The following CDKAL1 variants were observed in gnomAD, a reference collection of about 807,000 sequenced individuals.
The protein encoded by CDKAL1 is CDKAL1 threonylcarbamoyladenosine tRNA methylthiotransferase.
In CDKAL1, 32 loss-of-function variants were observed where a neutral mutation model predicts 68.2. That is an observed-to-expected ratio of 0.47 (90% CI 0.35 to 0.63). The LOEUF is 0.63. CDKAL1 is among the 30% of genes least tolerant of loss of function. The pLI, the probability that CDKAL1 is intolerant of heterozygous loss-of-function variation, is 0.00. For missense variants in CDKAL1, 606 were observed against 696.7 expected (o/e 0.87, Z 1.47); for synonymous variants, 234 against 244.3 (o/e 0.96, Z 0.39).
chr6:21,219,641 A>G (rs1208712033), intron 15 of CDKAL1, among the ~76,000 whole-genome samples: 1 of 152,180 alleles, frequency 6.6e-6, no homozygotes, highest in Non-Finnish European at 1.5e-5. Context: ...TATTCGTTTT[A>G]TGCAGTTTAT....
intron 9 of CDKAL1, among the ~76,000 whole-genome samples, chr6:20,871,785 A>T (rs1396959460): frequency 6.6e-6 from 1 of 152,168 alleles, no homozygotes; most frequent in African/African-American, 2.4e-5. Flanking sequence ...ATGATTTTAA[A>T]TGCATGTACT....
chr6:21,161,367 A>G (rs74377119), intron 13 of CDKAL1, among the ~76,000 whole-genome samples: 2 of 152,222 alleles, frequency 1.3e-5, no homozygotes, highest in African/African-American at 4.8e-5. Flanking sequence ...TCATTAAAAA[A>G]TTATTTATGC....
At chr6:20,945,070 G>A (rs182082672) in intron 9 of CDKAL1, among the ~76,000 whole-genome samples, 6 of 33,734 alleles carry the variant, frequency 1.8e-4, no homozygotes, top group South Asian at 1.7e-3. Context: ...GCACACACAC[G>A]TACACACACA....
intron 8 of CDKAL1, among the ~76,000 whole-genome samples, chr6:20,832,128 A>G (rs929147837): frequency 2.0e-5 from 3 of 152,212 alleles, no homozygotes; most frequent in Non-Finnish European, 4.4e-5. Context: ...AGATTTCTCA[A>G]ATTTACTTTA....
chr6:20,572,544 T>A (rs1764746986), intron 4 of CDKAL1, among the ~76,000 whole-genome samples: 1 of 152,162 alleles, frequency 6.6e-6, no homozygotes, highest in African/African-American at 2.4e-5. Flanking sequence ...TCCATAATAA[T>A]CCTTCAGAAG....
chr6:21,073,387 A>T (rs780837405), intron 12 of CDKAL1, among the ~76,000 whole-genome samples: 1 of 152,166 alleles, frequency 6.6e-6, no homozygotes, highest in Middle Eastern at 3.2e-3. Context: ...ATGTTTATAG[A>T]AGTATGTTTA....
intron 13 of CDKAL1, among the ~76,000 whole-genome samples, chr6:21,181,382 G>A (rs1439672087): frequency 6.6e-6 from 1 of 152,188 alleles, no homozygotes; most frequent in Non-Finnish European, 1.5e-5. Flanking sequence ...GCCCCCATGA[G>A]TGAATTAATG....
In CDKAL1 at chr6:21,102,605, T is replaced by C. The variant is rs192164751; in HGVS notation, c.1237-5796T>C. Among the ~76,000 whole-genome samples, 5 of 152,358 alleles carry C rather than the reference T, an allele frequency of 3.3e-5. No homozygotes were observed. The East Asian group carries it at 9.7e-4, about 29-fold the overall frequency. ...TTTCATCTTGCACCTCTTGGCTCTT[T>C]CGGCCCTTTTGCCTTAGGATGTAGT... On this transcript the variant is annotated intron_variant, in intron 12 of 15. Coordinates refer to ENST00000274695, the MANE Select transcript of CDKAL1 (RefSeq NM_017774.3).
chr6:20,976,606 C>T (rs1765858859), intron 10 of CDKAL1, among the ~76,000 whole-genome samples: 1 of 152,196 alleles, frequency 6.6e-6, no homozygotes, highest in East Asian at 1.9e-4. Flanking sequence ...GTGACTATCA[C>T]CTGATCAAGA....
rs555381745 is a variant in CDKAL1, at chr6:20,740,601, A to G, written c.468+986A>G. Reference sequence around the variant, plus strand: ...CATCATATGCTCATAGAAGAAGTTTACATAATTAATTGGCATCTGCTTTGA... The same window carrying G: ...CATCATATGCTCATAGAAGAAGTTTGCATAATTAATTGGCATCTGCTTTGA... On this transcript the variant is annotated intron_variant, in intron 6 of 15. Transcript: ENST00000274695. Among the ~76,000 whole-genome samples, 3 of 152,340 alleles carry G rather than the reference A, an allele frequency of 2.0e-5. No individual in the cohort carries two copies. The East Asian group carries it at 5.8e-4, about 29-fold the overall frequency.
At chr6:20,794,022 G>A (rs1470493005) in intron 8 of CDKAL1, among the ~76,000 whole-genome samples, 2 of 151,428 alleles carry the variant, frequency 1.3e-5, no homozygotes, top group African/African-American at 2.4e-5. Context: ...TATCTTAAAG[G>A]TTTCTAAACT....
chr6:20,573,166 A>C (rs1249480903), intron 4 of CDKAL1, among the ~76,000 whole-genome samples: 1 of 152,130 alleles, frequency 6.6e-6, no homozygotes, highest in African/African-American at 2.4e-5. Context: ...TTTTTGAAAA[A>C]GTATCTGAGA....
chr6:20,554,798 G>A (rs948394596), intron 4 of CDKAL1, among the ~76,000 whole-genome samples: 33 of 152,140 alleles, frequency 2.2e-4, no homozygotes, highest in Admixed American at 1.0e-3. Flanking sequence ...GCTGTGTTAT[G>A]TTTAGTTTGC....
chr6:20,696,256 G>C (rs1487286560), intron 5 of CDKAL1, among the ~76,000 whole-genome samples: 1 of 152,184 alleles, frequency 6.6e-6, no homozygotes, highest in East Asian at 1.9e-4. Context: ...TAAAAACCAA[G>C]TCAACTTTCC....
chr6:20,901,897 C>T (rs1235539166), intron 9 of CDKAL1, among the ~76,000 whole-genome samples: 3 of 151,820 alleles, frequency 2.0e-5, no homozygotes, highest in African/African-American at 7.3e-5. Context: ...ATGCCTCAGC[C>T]TCCTAAGTAG....
chr6:20,976,444 G>T (rs780390013), intron 10 of CDKAL1, among the ~76,000 whole-genome samples: 1 of 152,114 alleles, frequency 6.6e-6, no homozygotes, highest in African/African-American at 2.4e-5. Context: ...TGACTGGACC[G>T]TAGCTCCTTG....
intron 5 of CDKAL1, among the ~76,000 whole-genome samples, chr6:20,653,557 T>G (rs1241522434): frequency 6.6e-6 from 1 of 152,026 alleles, no homozygotes; most frequent in Non-Finnish European, 1.5e-5. Context: ...GTTCAAAGGA[T>G]TCTCCTGCCT....
intron 4 of CDKAL1, among the ~76,000 whole-genome samples, chr6:20,568,328 C>T (rs569906427): frequency 2.8e-4 from 43 of 152,192 alleles, no homozygotes; most frequent in African/African-American, 9.6e-4. Context: ...CTATTCTTAG[C>T]TTTTAAATTC....
intron 4 of CDKAL1, among the ~76,000 whole-genome samples, chr6:20,622,195 C>T (rs532928251): frequency 6.6e-6 from 1 of 152,140 alleles, no homozygotes; most frequent in South Asian, 2.1e-4. Context: ...TAGGTGGACT[C>T]TATTCACTCT....
Sources: gnomAD v4.1 joint callset for allele counts (sites outside exome capture counted in the v4.1 genomes callset) on GRCh38, gnomAD v4.1.1 for gene constraint, MANE v1.5 for transcripts, NCBI Gene and HGNC (gene_info 2026-07-23, HGNC 2026-07-21) for gene names.